Variants in BRIX1 observed in about 807,000 individuals in gnomAD.
BRIX1 encodes ribosome biogenesis protein BRX1 homolog.
A neutral mutation model predicts 44.0 loss-of-function variants in BRIX1; 15 were observed. That is an observed-to-expected ratio of 0.34 (90% CI 0.23 to 0.53). BRIX1 has a LOEUF of 0.53. Ranked by LOEUF, BRIX1 falls within the 20% of genes least tolerant of loss-of-function variation. BRIX1 has a pLI of 0.95. For synonymous variants in BRIX1, 149 were observed against 135.4 expected, an observed-to-expected ratio of 1.10 and a Z score of -0.70; for missense variants, 420 against 432.8, an observed-to-expected ratio of 0.97 and a Z score of 0.26.
At chr5:34,918,730 C>A in intron 2 of BRIX1, 1 of 311,958 alleles carries the variant, frequency 3.2e-6, no homozygotes, top group Non-Finnish European at 5.8e-6. Context: ...TCCAGGAATG[C>A]CTTCACTGTA....
intron 1 of BRIX1, chr5:34,916,144 G>A: frequency 2.5e-6 from 1 of 396,916 alleles, no homozygotes; most frequent in African/African-American, 2.1e-5. Flanking sequence ...CGACTTACAG[G>A]GTGCTCAGAT....
rs766071322 is a variant in BRIX1, at chr5:34,922,636, C to G, written c.436+48C>G. On this transcript the variant is annotated intron_variant, in intron 5 of 9. Transcript: ENST00000336767. ...TTTAGATGAGGAAATTAAAAGTAAT[C>G]TTTTGAAATAGTTGTGCAAAAGTTA... 5 of 1,590,574 alleles carry G rather than the reference C, an allele frequency of 3.1e-6. No homozygotes were observed. In the Admixed American group the frequency reaches 8.4e-5, roughly 27 times the overall value.
intron 2 of BRIX1, chr5:34,919,057 C>T (rs1255088200): frequency 2.0e-5 from 3 of 148,956 alleles, no homozygotes; most frequent in Admixed American, 2.0e-4. Context: ...TCCAGACCAT[C>T]CTGGGCAACA....
At chr5:34,920,574 G>A (rs1235071780) in intron 3 of BRIX1, 2 of 152,090 alleles carry the variant, frequency 1.3e-5, no homozygotes, top group African/African-American at 4.8e-5. Flanking sequence ...TTCTAATGGA[G>A]ACAGGCCATA....
rs1764076592 is a variant in BRIX1, at chr5:34,916,096, C to T, written c.159+199C>T. On this transcript the variant is annotated intron_variant, in intron 1 of 9. Transcript: ENST00000336767. ...GTGCACGTGGCCGTCTTCCTGGAGGCGGCGGGTTTTAAAACCTTTACCCGG... is the reference window on the plus strand; with the variant it reads ...GTGCACGTGGCCGTCTTCCTGGAGGTGGCGGGTTTTAAAACCTTTACCCGG... 3 of 558,696 alleles carry T rather than the reference C, an allele frequency of 5.4e-6. No individual in the cohort carries two copies. In the South Asian group the frequency reaches 1.1e-4, roughly 20 times the overall value. 34.6% of individuals were successfully genotyped at this position (558,696 alleles called of 1,614,324 possible).
Position 34,915,766 on chromosome 5 carries a change from G to A in BRIX1, c.28G>A (p.Gly10Arg), listed in dbSNP as rs1161012797. The change falls in exon 1 of 10, where the codon GGA becomes AGA. Residue 10 changes from glycine to arginine, a missense_variant. Transcript: ENST00000336767. ...GGCGGCAACCAAGAGGAAACGGCGT[G>A]GAGGCTTTGCAGTTCAGGCGAAGAA... is the stretch of plus-strand genomic sequence containing the variant. MAATKRKRR[G>R]GFAVQAKKPK... 4 of 1,603,816 alleles carry A rather than the reference G, an allele frequency of 2.5e-6. No homozygotes were observed. In the Admixed American group the frequency reaches 6.9e-5, roughly 28 times the overall value.
intron 2 of BRIX1, among the ~76,000 whole-genome samples, chr5:34,919,212 G>A (rs1368599771): frequency 1.4e-5 from 2 of 148,078 alleles, no homozygotes; most frequent in East Asian, 2.0e-4. Context: ...GGAGTTCAAG[G>A]CTGTCATGAG....
intron 1 of BRIX1, among the ~76,000 whole-genome samples, chr5:34,917,695 G>A (rs1432106682): frequency 1.3e-5 from 2 of 152,216 alleles, no homozygotes; most frequent in East Asian, 3.9e-4. Flanking sequence ...CATATCTATT[G>A]GAGGTGCTCA....
chr5:34,922,421 A>G, intron 4 of BRIX1, 118 bp from the exon 5 acceptor site: 1 of 894,250 alleles, frequency 1.1e-6, no homozygotes, highest in Non-Finnish European at 1.7e-6. Flanking sequence ...ACGAAACTTG[A>G]TACCTTTAAA....
At chr5:34,917,222 C>T (rs1764129320) in intron 1 of BRIX1, among the ~76,000 whole-genome samples, 2 of 152,154 alleles carry the variant, frequency 1.3e-5, no homozygotes. Flanking sequence ...TTGCATTAGG[C>T]TTCATTTGGG....
intron 7 of BRIX1, 21 bp downstream of exon 7, chr5:34,923,072 C>G: frequency 6.4e-7 from 1 of 1,567,004 alleles, no homozygotes; most frequent in African/African-American, 1.4e-5. Flanking sequence ...TTAAAATTAG[C>G]TATCCAAAAT....
chr5:34,925,038 G>A, intron 9 of BRIX1, 63 bp downstream of exon 9: 2 of 1,554,950 alleles, frequency 1.3e-6, no homozygotes, highest in South Asian at 2.4e-5. Flanking sequence ...AAATGATTCT[G>A]TGAAGTAATT....
intron 8 of BRIX1, 109 bp downstream of exon 8, chr5:34,923,343 A>C (rs900443485): frequency 1.2e-6 from 1 of 832,650 alleles, no homozygotes; most frequent in Non-Finnish European, 1.9e-6. Context: ...GCAGTGGCAC[A>C]ATCTTGGCTC....
In BRIX1 at chr5:34,925,168, T is replaced by G. The variant is rs1249238995; in HGVS notation, c.793-58T>G. On this transcript the variant is annotated intron_variant, in intron 9 of 9. Coordinates refer to ENST00000336767, the MANE Select transcript of BRIX1 (RefSeq NM_018321.4). ...TGGTTCATAACTGAAAGTCTTTGCC[T>G]TATATAAAATGTTTATTTTTATTTC... The G allele has an allele frequency of 3.4e-6, 5 of 1,482,316 alleles. No individual in the cohort carries two copies. In the African/African-American group the frequency reaches 4.3e-5, roughly 13 times the overall value. The allele number at this position is 1,482,316 out of a possible 1,614,324, so 91.8% of individuals were successfully genotyped here.
intron 9 of BRIX1, 70 bp from the exon 10 acceptor site, chr5:34,925,156 A>C: frequency 6.8e-7 from 1 of 1,465,076 alleles, no homozygotes; most frequent in Non-Finnish European, 9.1e-7. Context: ...TTCATAACTG[A>C]AAGTCTTTGC....
rs1764263526 is a variant in BRIX1, at chr5:34,922,538, G to T, written c.387-1G>T. On this transcript the variant is annotated splice_acceptor_variant, in intron 4 of 9. Coordinates refer to ENST00000336767, the MANE Select transcript of BRIX1 (RefSeq NM_018321.4). LOFTEE classifies it high-confidence loss of function. ...GAAAAAGCTTACTCCATATCTTTCA[G>T]GCTTTCAAATTCACCTCACGGACCA... The T allele has an allele frequency of 1.3e-6, 2 of 1,599,476 alleles. No homozygotes were observed. The highest frequency in any genetic ancestry group is 1.7e-6 in the Non-Finnish European group (2 of 1,167,514).
At chr5:34,918,593 CT>C (rs1764169472) in intron 2 of BRIX1, 118 bp downstream of exon 2, 5 of 535,076 alleles carry the variant, frequency 9.3e-6, no homozygotes, top group Non-Finnish European at 1.3e-5. Context: ...AACACAATGC[CT>C]TTTATCCTTT....
At chr5:34,924,055 A>G (rs1224576652) in intron 8 of BRIX1, among the ~76,000 whole-genome samples, 1 of 152,190 alleles carries the variant, frequency 6.6e-6, no homozygotes, top group Non-Finnish European at 1.5e-5. Context: ...AAGCACCTCA[A>G]AGGTTAAGAC....
Position 34,923,338 on chromosome 5 carries a change from GGCACAATCTTGGCTCACTGCAA to G in BRIX1, c.663+105_663+126del, listed in dbSNP as rs1377616675. 4.1e-5 allele frequency: 36 copies of G among 883,172 alleles called. 1 individual carries two copies. The East Asian group carries it at 9.0e-4, about 22-fold the overall frequency. The allele number at this position is 883,172 out of a possible 1,614,324, so 54.7% of individuals were successfully genotyped here. On this transcript the variant is annotated intron_variant, in intron 8 of 9. Transcript: ENST00000336767. ...CTTGTTGCCCAGGCTGGACTGCAGT[GGCACAATCTTGGCTCACTGCAA>G]CCTCCACCTCCCGGGTTCAAGCTTC... is the stretch of plus-strand genomic sequence containing the variant.
Sources: gnomAD v4.1 joint callset for allele counts (sites outside exome capture counted in the v4.1 genomes callset) on GRCh38, gnomAD v4.1.1 for gene constraint, MANE v1.5 for transcripts, NCBI Gene and HGNC (gene_info 2026-07-23, HGNC 2026-07-21) for gene names.